TENM2: variants seen among roughly 807,000 people sequenced by gnomAD.
The protein encoded by TENM2 is teneurin-2.
In TENM2, 52 loss-of-function variants were observed where a neutral mutation model predicts 245.2. That is an observed-to-expected ratio of 0.21 (90% CI 0.17 to 0.27). The LOEUF is 0.27. Ranked by LOEUF, TENM2 falls within the 10% of genes least tolerant of loss-of-function variation. The probability of loss-of-function intolerance (pLI) is 1.00; values close to 1 mark genes in which losing one functional copy is unlikely to be tolerated. For missense variants in TENM2, 3,046 were observed against 3,666.8 expected (o/e 0.83, Z 4.37); for synonymous variants, 1,363 against 1,438.9 (o/e 0.95, Z 1.19).
the TENM2 span, among the ~76,000 whole-genome samples, chr5:166,979,183 C>T: frequency 8.0e-6 from 1 of 125,706 alleles, no homozygotes; most frequent in East Asian, 2.1e-4. Context: ...GTAGCAGCAG[C>T]AGCACCACCA....
At chr5:167,177,320 C>G in the TENM2 span, among the ~76,000 whole-genome samples, 1 of 152,186 alleles carries the variant, frequency 6.6e-6, no homozygotes. Flanking sequence ...TAAGGGAAAT[C>G]GGTAATTATA....
At chr5:167,756,898 C>T (rs1388400285) in intron 2 of TENM2, among the ~76,000 whole-genome samples, 1 of 151,850 alleles carries the variant, frequency 6.6e-6, no homozygotes, top group Non-Finnish European at 1.5e-5. Context: ...TTGCAGTTGG[C>T]CACTGGTTCT....
At chr5:168,196,267 C>T (rs1431004075) in intron 15 of TENM2, among the ~76,000 whole-genome samples, 4 of 152,146 alleles carry the variant, frequency 2.6e-5, no homozygotes, top group African/African-American at 4.8e-5. Flanking sequence ...CCTAACTTCA[C>T]TCTCCCACCT....
the TENM2 span, among the ~76,000 whole-genome samples, chr5:167,157,653 AT>A: frequency 6.6e-6 from 1 of 152,204 alleles, no homozygotes; most frequent in Non-Finnish European, 1.5e-5. Flanking sequence ...TTAATTATTT[AT>A]TGCCATATTA....
chr5:168,190,467 G>A (rs2152509803), exon 14 of TENM2: 1 of 1,614,022 alleles, frequency 6.2e-7, no homozygotes, highest in Non-Finnish European at 8.5e-7. Context: ...CCGCAGTGAA[G>A]TCCTTCTATG....
chr5:167,801,509 G>C (rs1765770052), intron 2 of TENM2, among the ~76,000 whole-genome samples: 2 of 152,082 alleles, frequency 1.3e-5, no homozygotes. Flanking sequence ...AAGGCTACAG[G>C]ATGGAGAGAA....
chr5:167,216,764 TA>T, the TENM2 span, among the ~76,000 whole-genome samples: 51 of 152,156 alleles, frequency 3.4e-4, no homozygotes, highest in Non-Finnish European at 5.0e-4. Flanking sequence ...CTGTCCCTAC[TA>T]AAAATACAAA....
the TENM2 span, among the ~76,000 whole-genome samples, chr5:167,183,983 C>A: frequency 1.3e-5 from 2 of 152,014 alleles, no homozygotes; most frequent in African/African-American, 4.8e-5. Context: ...TATTTTTTGC[C>A]TAGAAGCACA....
the TENM2 span, among the ~76,000 whole-genome samples, chr5:167,032,467 G>A: frequency 2.6e-5 from 4 of 152,158 alleles, no homozygotes; most frequent in African/African-American, 7.2e-5. Context: ...GGAAACCAAC[G>A]AAATGCCCTT....
At chr5:167,359,039 G>T (rs1358552329) in intron 1 of TENM2, among the ~76,000 whole-genome samples, 3 of 152,058 alleles carry the variant, frequency 2.0e-5, no homozygotes, top group Admixed American at 2.0e-4. Context: ...TCTTTCCCAT[G>T]CAATCTTAAA....
At position 167,545,023 on chromosome 5, in the gene TENM2, A is replaced by G. The variant is rs557843305; in HGVS notation, c.502+169550A>G. 5.9e-5 allele frequency among the ~76,000 whole-genome samples: 9 copies of G among 152,246 alleles called. No homozygotes were observed. In the East Asian group the frequency reaches 1.5e-3, roughly 26 times the overall value. On this transcript the variant is annotated intron_variant, in intron 2 of 28. Coordinates refer to ENST00000518659, the Ensembl canonical transcript of TENM2. ...ACTGCTCAGTGACCCTTTTCAAGTC[A>G]TTGAAAATATTTTCTATTTGCTGCT... is the stretch of plus-strand genomic sequence containing the variant.
chr5:167,364,862 A>G (rs1759947187), intron 1 of TENM2, among the ~76,000 whole-genome samples: 1 of 152,052 alleles, frequency 6.6e-6, no homozygotes, highest in Non-Finnish European at 1.5e-5. Flanking sequence ...AAGAGAAAAA[A>G]AAACTACAGA....
chr5:167,929,130 A>AAAGAAAGAAAG (rs1778081477), intron 3 of TENM2, among the ~76,000 whole-genome samples: 1 of 131,536 alleles, frequency 7.6e-6, no homozygotes. Context: ...AGAAAGAAAG[A>AAAGAAAGAAAG]AAAGAAAGAA....
intron 2 of TENM2, among the ~76,000 whole-genome samples, chr5:167,599,114 A>G (rs1471980944): frequency 1.3e-5 from 2 of 152,238 alleles, no homozygotes; most frequent in African/African-American, 2.4e-5. Context: ...AGGCTAGTGG[A>G]AAGAGAGTGC....
intron 2 of TENM2, among the ~76,000 whole-genome samples, chr5:167,623,568 T>C (rs962065): frequency 0.67 from 101,630 of 151,850 alleles, 34,162 homozygotes; most frequent in Middle Eastern, 0.74. Flanking sequence ...ATTTGAATGG[T>C]TTTAGATGAG....
chr5:167,432,797 G>T (rs1187886284), intron 2 of TENM2, among the ~76,000 whole-genome samples: 1 of 152,038 alleles, frequency 6.6e-6, no homozygotes, highest in Non-Finnish European at 1.5e-5. Context: ...GAGGGAAAAA[G>T]TCAAACTTTG....
chr5:167,585,160 C>T (rs11742502), intron 2 of TENM2, among the ~76,000 whole-genome samples: 79,896 of 152,034 alleles, frequency 0.53, 24,316 homozygotes, highest in Middle Eastern at 0.67. Flanking sequence ...CATCCTTCTT[C>T]TCTCTCTATT....
intron 2 of TENM2, among the ~76,000 whole-genome samples, chr5:167,410,773 C>T (rs1381059001): frequency 2.0e-5 from 3 of 151,964 alleles, no homozygotes; most frequent in Non-Finnish European, 4.4e-5. Context: ...AAGAAATATA[C>T]AATGTTTCTG....
chr5:167,179,571 T>C, the TENM2 span, among the ~76,000 whole-genome samples: 9 of 152,154 alleles, frequency 5.9e-5, no homozygotes, highest in African/African-American at 1.7e-4. Context: ...CGTAGGTTTC[T>C]TGAGCCCCAC....
Sources: gnomAD v4.1 joint callset for allele counts (sites outside exome capture counted in the v4.1 genomes callset) on GRCh38, gnomAD v4.1.1 for gene constraint, MANE v1.5 for transcripts, NCBI Gene and HGNC (gene_info 2026-07-23, HGNC 2026-07-21) for gene names.